Variants in OPHN1 observed in about 807,000 individuals in gnomAD.
OPHN1 encodes the protein oligophrenin-1.
In OPHN1, 11 loss-of-function variants were observed where a neutral mutation model predicts 60.7. The ratio of observed to expected loss-of-function variants is 0.18; its 90% confidence interval spans 0.11 to 0.30. The LOEUF (loss-of-function observed/expected upper bound fraction) is 0.30. Among genes scored for constraint, OPHN1 ranks in the 10% least tolerant of loss-of-function variants. The pLI is 1.00. For synonymous variants in OPHN1, 226 were observed against 222.6 expected, an observed-to-expected ratio of 1.02 and a Z score of -0.14; for missense variants, 449 against 611.0, an observed-to-expected ratio of 0.73 and a Z score of 2.80.
chrX:68,171,766 A>T (rs2077392878), intron 15 of OPHN1, among the ~76,000 whole-genome samples: 1 of 111,531 alleles, frequency 9.0e-6, no homozygotes, highest in African/African-American at 3.3e-5. Flanking sequence ...AAGAAAAAAC[A>T]GAAAATAAAC....
Position 68,170,184 on chromosome X carries a change from C to T in OPHN1, c.1276+22735G>A, listed in dbSNP as rs1231114036. Among the ~76,000 whole-genome samples, 4 of 108,158 alleles carry T rather than the reference C, an allele frequency of 3.7e-5. No homozygotes were observed. The East Asian group carries it at 1.1e-3, about 31-fold the overall frequency. The allele number at this position is 108,158 out of a possible 115,157, so 93.9% of individuals were successfully genotyped here. A position where few individuals can be genotyped will look rare whatever the true frequency, so the allele number is the denominator to read the frequency against. On this transcript the variant is annotated intron_variant, in intron 15 of 24. Coordinates refer to ENST00000355520, the MANE Select transcript of OPHN1 (RefSeq NM_002547.3). ...CAGCCAAAAAACACATGAAAAAATGCTCACCATCACTGGCCATCAGAGAAA... is the reference window on the plus strand; with the variant it reads ...CAGCCAAAAAACACATGAAAAAATGTTCACCATCACTGGCCATCAGAGAAA...
chrX:68,212,154 T>C lies in OPHN1; in HGVS notation c.656A>G (p.Gln219Arg), dbSNP rs377476011. ...CTGTTGTTTGTATGGGAGGAAATCCTGTGTGAGCTCCACAGTCAGGCTGTT... is the reference window on the plus strand; with the variant it reads ...CTGTTGTTTGTATGGGAGGAAATCCCGTGTGAGCTCCACAGTCAGGCTGTT... ...ISNSLTVELT[Q>R]DFLPYKQQLQ... Residue 219 changes from glutamine to arginine, a missense_variant, in exon 8 of 25, where the codon CAG (glutamine) becomes CGG (arginine). Gln to Arg is a conservative substitution (Grantham distance 43). Coordinates refer to ENST00000355520, the MANE Select transcript of OPHN1 (RefSeq NM_002547.3). 1 of 1,206,280 alleles carries C rather than the reference T, an allele frequency of 8.3e-7. No homozygotes were observed. Among genetic ancestry groups the C allele is most frequent in the African/African-American group, 1.7e-5 (1 of 57,165 alleles).
intron 6 of OPHN1, among the ~76,000 whole-genome samples, chrX:68,230,241 A>G (rs1337978849): frequency 3.6e-5 from 4 of 111,305 alleles, no homozygotes; most frequent in African/African-American, 6.5e-5. Flanking sequence ...TTAGAATGGC[A>G]ATCATTAAAA....
chrX:68,068,582 T>A (rs1166591653), intron 20 of OPHN1, among the ~76,000 whole-genome samples: 2 of 108,362 alleles, frequency 1.8e-5, no homozygotes, highest in African/African-American at 6.7e-5. Flanking sequence ...GTCCTAGGTA[T>A]ATACCCAAGA....
chrX:68,350,442 C>T (rs2078402169), intron 2 of OPHN1, among the ~76,000 whole-genome samples: 1 of 73,579 alleles, frequency 1.4e-5, no homozygotes, highest in Non-Finnish European at 2.4e-5. Context: ...CTCTCTCCCT[C>T]CCTCTCTCCC....
At chrX:68,214,780 T>C (rs1368260441) in intron 6 of OPHN1, among the ~76,000 whole-genome samples, 1 of 111,485 alleles carries the variant, frequency 9.0e-6, no homozygotes, top group Non-Finnish European at 1.9e-5. Context: ...GTAGATCACC[T>C]GAGGTCAGGA....
chrX:68,331,730 CAAA>C (rs1158512927), intron 2 of OPHN1, among the ~76,000 whole-genome samples: 8 of 39,315 alleles, frequency 2.0e-4, no homozygotes, highest in Admixed American at 1.1e-3. Flanking sequence ...GACTCTGTAT[CAAA>C]AAAAAAAAAA....
intron 18 of OPHN1, among the ~76,000 whole-genome samples, chrX:68,105,522 C>G (rs911240137): frequency 9.1e-6 from 1 of 109,716 alleles, no homozygotes; most frequent in Non-Finnish European, 1.9e-5. Flanking sequence ...ATGGATGAAG[C>G]TGGAAACCAT....
intron 2 of OPHN1, among the ~76,000 whole-genome samples, chrX:68,321,212 C>A (rs1249759496): frequency 9.0e-6 from 1 of 111,724 alleles, no homozygotes; most frequent in Non-Finnish European, 1.9e-5. Context: ...ATGGTGACCA[C>A]CCCCTATCGT....
chrX:68,263,746 G>A (rs1381383723), intron 5 of OPHN1, among the ~76,000 whole-genome samples: 1 of 111,257 alleles, frequency 9.0e-6, no homozygotes, highest in Non-Finnish European at 1.9e-5. Flanking sequence ...TCTTTGTCTA[G>A]GTCAGTGTTA....
intron 19 of OPHN1, among the ~76,000 whole-genome samples, chrX:68,092,774 C>A (rs963712640): frequency 5.4e-5 from 6 of 111,375 alleles, no homozygotes; most frequent in Non-Finnish European, 1.1e-4. Flanking sequence ...AGGTCATTTG[C>A]CAACCAACAC....
rs189082399 is a variant in OPHN1 at position 68,095,091 on chromosome X, A to C, written c.1686+1779T>G. Among the ~76,000 whole-genome samples the C allele has an allele frequency of 1.0e-3, 113 of 111,685 alleles. 1 individual carries two copies. In the East Asian group the frequency reaches 0.017, roughly 17 times the overall value. ...TCTCCTTAATGTTCATTACAATCTA[A>C]AATATTATATACTTTACTTACTTTG... On this transcript the variant is annotated intron_variant, in intron 19 of 24. Coordinates refer to ENST00000355520, the MANE Select transcript of OPHN1 (RefSeq NM_002547.3).
chrX:68,213,507 T>C (rs898043470), intron 7 of OPHN1, among the ~76,000 whole-genome samples: 1 of 110,132 alleles, frequency 9.1e-6, no homozygotes, highest in Non-Finnish European at 1.9e-5. Context: ...CCTAGCATAG[T>C]ATCTGGTATA....
chrX:68,268,049 C>T (rs1003145679), intron 5 of OPHN1, among the ~76,000 whole-genome samples: 2 of 111,377 alleles, frequency 1.8e-5, no homozygotes, highest in Admixed American at 9.5e-5. Context: ...TAATAGCTTA[C>T]CAACCAAAAA....
At chrX:68,217,293 C>T (rs184389375) in intron 6 of OPHN1, among the ~76,000 whole-genome samples, 134 of 112,126 alleles carry the variant, frequency 1.2e-3, no homozygotes, top group African/African-American at 4.2e-3. Flanking sequence ...CACGCAGTCT[C>T]GCTGATTGCT....
chrX:68,071,098 T>C (rs2076932333), intron 20 of OPHN1: 1 of 1,069,059 alleles, frequency 9.4e-7, no homozygotes, highest in Non-Finnish European at 1.3e-6. Context: ...GTCCAGCATA[T>C]TATTGATCAG....
At chrX:68,401,815 C>T (rs1009109790) in intron 2 of OPHN1, among the ~76,000 whole-genome samples, 7 of 111,295 alleles carry the variant, frequency 6.3e-5, no homozygotes, top group Non-Finnish European at 3.8e-5. Context: ...CAAAAGAGAC[C>T]GAGGAGAACC....
intron 15 of OPHN1, among the ~76,000 whole-genome samples, chrX:68,124,593 A>T (rs2077162499): frequency 9.0e-6 from 1 of 111,684 alleles, no homozygotes; most frequent in Admixed American, 9.5e-5. Context: ...ATGGCTACAG[A>T]ATACACATTC....
chrX:68,430,519 A>C (rs2078880621), intron 2 of OPHN1, among the ~76,000 whole-genome samples: 1 of 111,335 alleles, frequency 9.0e-6, no homozygotes, highest in Non-Finnish European at 1.9e-5. Context: ...TATCACTTTG[A>C]GTCTTAGAAA....
Sources: gnomAD v4.1 joint callset for allele counts (sites outside exome capture counted in the v4.1 genomes callset) on GRCh38, gnomAD v4.1.1 for gene constraint, MANE v1.5 for transcripts, NCBI Gene and HGNC (gene_info 2026-07-23, HGNC 2026-07-21) for gene names.